The following RAPGEF4 variants were observed in gnomAD, a reference collection of about 807,000 sequenced individuals.
RAPGEF4 encodes Rap guanine nucleotide exchange factor 4, also known as RAP guanine-nucleotide-exchange factor (GEF) 4.
RAPGEF4 carries 66 observed loss-of-function variants against 147.9 expected under a neutral mutation model. The observed-to-expected ratio is 0.45, with a 90% CI of 0.37 to 0.55. RAPGEF4 has a LOEUF of 0.55. RAPGEF4 is among the 20% of genes least tolerant of loss of function. The probability of loss-of-function intolerance (pLI) is 0.00; values close to 1 mark genes in which losing one functional copy is unlikely to be tolerated. For synonymous variants in RAPGEF4, 419 were observed against 442.7 expected (o/e 0.95, Z 0.67); for missense variants, 1,071 against 1,257.3 (o/e 0.85, Z 2.24).
chr2:172,941,129 A>G (rs1259488176), intron 6 of RAPGEF4, among the ~76,000 whole-genome samples: 1 of 152,128 alleles, frequency 6.6e-6, no homozygotes, highest in East Asian at 1.9e-4. Context: ...TTCTACGTAG[A>G]CAATCATGTC....
intron 4 of RAPGEF4, among the ~76,000 whole-genome samples, chr2:172,871,316 G>A (rs1695215885): frequency 6.6e-6 from 1 of 152,196 alleles, no homozygotes; most frequent in South Asian, 2.1e-4. Flanking sequence ...CCTTGGCAGA[G>A]TGTTTTGATT....
intron 4 of RAPGEF4, among the ~76,000 whole-genome samples, chr2:172,914,134 C>T (rs1224901846): frequency 6.6e-6 from 1 of 152,040 alleles, no homozygotes; most frequent in Non-Finnish European, 1.5e-5. Flanking sequence ...AGAAATAACC[C>T]ATCATCGTCT....
intron 4 of RAPGEF4, chr2:172,821,672 T>C (rs1261977878): frequency 5.8e-6 from 6 of 1,038,278 alleles, no homozygotes; most frequent in Non-Finnish European, 5.7e-6. Context: ...AGCTTTTCCA[T>C]GGAGTGGCAA....
chr2:172,941,617 G>A (rs1687167270), intron 6 of RAPGEF4, among the ~76,000 whole-genome samples: 2 of 152,116 alleles, frequency 1.3e-5, no homozygotes, highest in South Asian at 4.1e-4. Context: ...GGGAGTTAGG[G>A]TAGAACCTGT....
At chr2:172,738,839 C>A (rs185895751) in intron 1 of RAPGEF4, among the ~76,000 whole-genome samples, 2 of 151,704 alleles carry the variant, frequency 1.3e-5, no homozygotes, top group Admixed American at 6.6e-5. Context: ...AACCCTGGGA[C>A]TGGAAATAAA....
At chr2:172,853,465 C>T (rs1047997854) in intron 4 of RAPGEF4, among the ~76,000 whole-genome samples, 1 of 151,922 alleles carries the variant, frequency 6.6e-6, no homozygotes, top group Non-Finnish European at 1.5e-5. Context: ...TCAGGATTTG[C>T]AGATACACTG....
intron 3 of RAPGEF4, among the ~76,000 whole-genome samples, chr2:172,805,093 C>A (rs900275099): frequency 1.3e-5 from 2 of 152,190 alleles, no homozygotes; most frequent in African/African-American, 4.8e-5. Context: ...CACTGCTTTC[C>A]CCTCTCACAG....
intron 6 of RAPGEF4, among the ~76,000 whole-genome samples, chr2:172,937,236 A>T (rs1686688538): frequency 6.6e-6 from 1 of 151,762 alleles, no homozygotes; most frequent in South Asian, 2.1e-4. Context: ...GAAAAAAAAA[A>T]GTCTGTAGTT....
At chr2:173,010,584 A>G (rs1694906616) in intron 17 of RAPGEF4, among the ~76,000 whole-genome samples, 1 of 152,210 alleles carries the variant, frequency 6.6e-6, no homozygotes, top group Non-Finnish European at 1.5e-5. Context: ...CAAGGGAACT[A>G]GTAGGATATT....
chr2:172,862,628 A>G (rs1694163090), intron 4 of RAPGEF4, among the ~76,000 whole-genome samples: 1 of 152,200 alleles, frequency 6.6e-6, no homozygotes, highest in Admixed American at 6.5e-5. Context: ...TTGACTTTAA[A>G]GGTATTAAAT....
At chr2:172,984,622 G>A (rs997988157) in intron 11 of RAPGEF4, among the ~76,000 whole-genome samples, 1 of 152,172 alleles carries the variant, frequency 6.6e-6, no homozygotes, top group African/African-American at 2.4e-5. Context: ...TCTCCACAGG[G>A]CATAGATGTA....
chr2:173,018,336 T>A (rs1267225624), intron 21 of RAPGEF4, among the ~76,000 whole-genome samples: 8 of 152,344 alleles, frequency 5.3e-5, no homozygotes, highest in Admixed American at 5.2e-4. Context: ...GTGAATTGCC[T>A]ACAGTATAGC....
chr2:173,042,319 T>C lies in RAPGEF4; in HGVS notation c.2853+5627T>C, dbSNP rs974232259. ...ATATTTTATGTAATAAATCCAAAAG[T>C]GTCTTCTATTTTATTAGAAAATTGG... On this transcript the variant is annotated intron_variant, in intron 29 of 30. Transcript: ENST00000397081. This position sits in a 1 kb window ranked among gnomAD's most constrained non-coding sequence, Gnocchi z 4.2. 8.5e-5 allele frequency among the ~76,000 whole-genome samples: 13 copies of C among 152,226 alleles called. No individual in the cohort carries two copies. Among genetic ancestry groups the C allele is most frequent in the African/African-American group, 2.7e-4 (11 of 41,468 alleles).
In RAPGEF4 at chr2:173,020,643, T is replaced by C. The variant is rs1282869751; in HGVS notation, c.2181T>C (p.Asp727=). ...AAAAGGTGGTGCTCAAACCTAATGA[T>C]GTTTCAGTATTTACGACGCTCACCA... The part of the protein sequence containing the change: ...GGEKVVLKPN[D]VSVFTTLTIN... Residue 727 remains aspartate (D), a synonymous_variant, in exon 23 of 31, where the codon GAT becomes GAC. Coordinates refer to ENST00000397081, the MANE Select transcript of RAPGEF4 (RefSeq NM_007023.4). 1.9e-6 allele frequency: 3 copies of C among 1,613,226 alleles called. No individual in the cohort carries two copies. Among genetic ancestry groups the C allele is most frequent in the Admixed American group, 3.3e-5 (2 of 59,754 alleles).
At chr2:172,755,779 G>A (rs376587452) in intron 1 of RAPGEF4, among the ~76,000 whole-genome samples, 3 of 152,282 alleles carry the variant, frequency 2.0e-5, no homozygotes, top group Admixed American at 6.5e-5. Flanking sequence ...AATCTTCACC[G>A]CCAAGGGTAA....
intron 6 of RAPGEF4, among the ~76,000 whole-genome samples, chr2:172,948,011 C>T (rs1687851710): frequency 6.6e-6 from 1 of 152,190 alleles, no homozygotes; most frequent in Non-Finnish European, 1.5e-5. Flanking sequence ...TGTTTTTATG[C>T]TTTATATCAG....
chr2:172,912,410 T>C (rs952632184), intron 4 of RAPGEF4, among the ~76,000 whole-genome samples: 4 of 152,238 alleles, frequency 2.6e-5, no homozygotes, highest in African/African-American at 9.6e-5. Context: ...GTCTTTTGCG[T>C]ATCTAAAACA....
At chr2:172,867,449 C>T (rs1329002419) in intron 4 of RAPGEF4, among the ~76,000 whole-genome samples, 1 of 151,998 alleles carries the variant, frequency 6.6e-6, no homozygotes, top group Admixed American at 6.5e-5. Context: ...TTAACCTACA[C>T]AGGAATGGAA....
chr2:172,784,106 C>A (rs537198514), intron 1 of RAPGEF4, among the ~76,000 whole-genome samples: 3 of 152,118 alleles, frequency 2.0e-5, no homozygotes, highest in African/African-American at 7.2e-5. Context: ...TGTAGATGTA[C>A]GTATCTCTGT....
Sources: gnomAD v4.1 joint callset for allele counts (sites outside exome capture counted in the v4.1 genomes callset) on GRCh38, gnomAD v4.1.1 for gene constraint, Gnocchi (gnomAD v3.1) non-coding constraint, MANE v1.5 for transcripts, NCBI Gene and HGNC (gene_info 2026-07-23, HGNC 2026-07-21) for gene names.